The following PACRG variants were observed in gnomAD, a reference collection of about 807,000 sequenced individuals.
PACRG encodes the protein parkin coregulated gene protein.
A neutral mutation model predicts 29.7 loss-of-function variants in PACRG; 29 were observed. That is an observed-to-expected ratio of 0.98 (90% CI 0.73 to 1.33). The LOEUF (loss-of-function observed/expected upper bound fraction) is 1.33. Among genes scored for constraint, PACRG ranks in the 40% most tolerant of loss-of-function variants. PACRG has a pLI of 0.00. For synonymous variants in PACRG, 116 were observed against 118.7 expected (o/e 0.98, Z 0.15); for missense variants, 279 against 316.2 (o/e 0.88, Z 0.89).
chr6:163,245,701 C>A (rs571557102), intron 4 of PACRG, among the ~76,000 whole-genome samples: 3 of 152,264 alleles, frequency 2.0e-5, no homozygotes, highest in Admixed American at 1.3e-4. Context: ...CTCTGAGCTT[C>A]TAACTCCTGT....
intron 2 of PACRG, among the ~76,000 whole-genome samples, chr6:162,842,048 G>A (rs1789829739): frequency 6.7e-6 from 1 of 150,212 alleles, no homozygotes; most frequent in Non-Finnish European, 1.5e-5. Flanking sequence ...GGTGTGGTGT[G>A]GTGCTGAAAA....
At chr6:162,920,843 G>A (rs1047260516) in intron 2 of PACRG, among the ~76,000 whole-genome samples, 1 of 152,052 alleles carries the variant, frequency 6.6e-6, no homozygotes, top group Non-Finnish European at 1.5e-5. Context: ...GTTTAAATTA[G>A]AGCTTGTTTT....
intron 4 of PACRG, among the ~76,000 whole-genome samples, chr6:163,217,915 A>T (rs1384557081): frequency 1.3e-5 from 2 of 152,094 alleles, no homozygotes; most frequent in Non-Finnish European, 2.9e-5. Flanking sequence ...TTATTTCATT[A>T]TATATTACAA....
At chr6:163,091,395 C>A (rs185364032) in intron 4 of PACRG, among the ~76,000 whole-genome samples, 46 of 152,248 alleles carry the variant, frequency 3.0e-4, no homozygotes, top group Admixed American at 1.1e-3. Flanking sequence ...AAGAATAAAT[C>A]CCTAGTAAGA....
chr6:163,035,824 A>C (rs1350557389), intron 2 of PACRG, among the ~76,000 whole-genome samples: 2 of 151,128 alleles, frequency 1.3e-5, no homozygotes, highest in African/African-American at 4.9e-5. Flanking sequence ...AAAAAAAAAA[A>C]AAAAAAAAAA....
chr6:163,022,079 G>A (rs1019906033), intron 2 of PACRG, among the ~76,000 whole-genome samples: 1 of 152,154 alleles, frequency 6.6e-6, no homozygotes, highest in Non-Finnish European at 1.5e-5. Flanking sequence ...CATTCACTTG[G>A]CCAGCCAGAC....
chr6:163,114,801 A>G (rs9458726), intron 4 of PACRG, among the ~76,000 whole-genome samples: 12,917 of 151,622 alleles, frequency 0.085, 1,872 homozygotes, highest in African/African-American at 0.29. Flanking sequence ...ACCACAGTTA[A>G]TTATACTCTA....
chr6:163,290,471 C>G (rs1347332222), intron 4 of PACRG, among the ~76,000 whole-genome samples: 1 of 152,220 alleles, frequency 6.6e-6, no homozygotes, highest in Non-Finnish European at 1.5e-5. Context: ...ATGCAAGGGA[C>G]TGAGCCAATG....
At chr6:163,164,362 A>G (rs959348074) in intron 4 of PACRG, among the ~76,000 whole-genome samples, 1 of 152,160 alleles carries the variant, frequency 6.6e-6, no homozygotes, top group Non-Finnish European at 1.5e-5. Flanking sequence ...ACAAGAGAAT[A>G]TCCTCTACGT....
intron 4 of PACRG, chr6:163,190,523 G>A (rs1319622522): frequency 1.3e-5 from 2 of 153,062 alleles, no homozygotes; most frequent in Non-Finnish European, 2.9e-5. Context: ...GCCCTGCCTA[G>A]CAGCACAAGG....
intron 2 of PACRG, among the ~76,000 whole-genome samples, chr6:162,990,878 C>T (rs1269901511): frequency 4.0e-5 from 4 of 99,218 alleles, no homozygotes; most frequent in African/African-American, 1.8e-4. Context: ...TTAGGTCTAA[C>T]GTTTAAATCT....
intron 4 of PACRG, among the ~76,000 whole-genome samples, chr6:163,102,808 G>C (rs968513769): frequency 1.6e-5 from 2 of 126,808 alleles, no homozygotes; most frequent in Non-Finnish European, 3.3e-5. Flanking sequence ...AATAGGTCTA[G>C]TCTTGTTCTA....
chr6:162,823,445 A>G (rs1008089235), intron 2 of PACRG, among the ~76,000 whole-genome samples: 1 of 150,738 alleles, frequency 6.6e-6, no homozygotes, highest in African/African-American at 2.4e-5. Context: ...TATTATTTCT[A>G]TCATTATCTC....
At chr6:163,301,720 A>C (rs1011911740) in intron 4 of PACRG, among the ~76,000 whole-genome samples, 3 of 152,248 alleles carry the variant, frequency 2.0e-5, no homozygotes, top group African/African-American at 4.8e-5. Context: ...AATGATGGCC[A>C]GTCTACTCTT....
intron 2 of PACRG, among the ~76,000 whole-genome samples, chr6:162,943,708 C>T (rs1374386761): frequency 6.6e-6 from 1 of 152,152 alleles, no homozygotes; most frequent in African/African-American, 2.4e-5. Flanking sequence ...TGAGGATTCT[C>T]CTGCCCTGTG....
rs543039132 is a variant in PACRG, at chr6:162,728,438, C to T, written c.156+47C>T. On this transcript the variant is annotated intron_variant, in intron 1 of 4. Coordinates refer to ENST00000366888, the MANE Select transcript of PACRG (RefSeq NM_001080379.2). The stretch of plus-strand genomic sequence containing the variant: ...AATGCACTCGCTCTGAATCAGGGGA[C>T]ACGAGATTTACAGAGGTTGGCCAGC... 31 of 1,591,224 alleles carry T rather than the reference C, an allele frequency of 1.9e-5. No homozygotes were observed. In the South Asian group the frequency reaches 3.2e-4, roughly 17 times the overall value.
At chr6:162,839,672 C>T (rs1340522444) in intron 2 of PACRG, among the ~76,000 whole-genome samples, 1 of 152,028 alleles carries the variant, frequency 6.6e-6, no homozygotes, top group African/African-American at 2.4e-5. Flanking sequence ...CTTGCCCATG[C>T]CTATGTCCTG....
intron 2 of PACRG, among the ~76,000 whole-genome samples, chr6:162,818,282 G>A (rs1244613830): frequency 6.6e-6 from 1 of 152,154 alleles, no homozygotes; most frequent in Non-Finnish European, 1.5e-5. Context: ...TCAGATGAAC[G>A]ATGGAATTTT....
chr6:163,099,933 A>G (rs971220553), intron 4 of PACRG, among the ~76,000 whole-genome samples: 2 of 151,714 alleles, frequency 1.3e-5, no homozygotes, highest in African/African-American at 4.8e-5. Flanking sequence ...AGCTTGCTTC[A>G]CTCTCAGACC....
Sources: gnomAD v4.1 joint callset for allele counts (sites outside exome capture counted in the v4.1 genomes callset) on GRCh38, gnomAD v4.1.1 for gene constraint, MANE v1.5 for transcripts, NCBI Gene and HGNC (gene_info 2026-07-23, HGNC 2026-07-21) for gene names.